NRG4: variants seen among roughly 807,000 people sequenced by gnomAD.
NRG4 encodes the protein neuregulin 4.
A neutral mutation model predicts 15.0 loss-of-function variants in NRG4; 10 were observed. The ratio of observed to expected loss-of-function variants is 0.67; its 90% CI spans 0.41 to 1.13. NRG4 has a LOEUF of 1.13. NRG4 is among the 50% of genes most tolerant of loss of function. NRG4 has a pLI of 0.00. For synonymous variants in NRG4, 41 were observed against 50.1 expected (o/e 0.82, Z 0.77); for missense variants, 139 against 140.2 (o/e 0.99, Z 0.04).
chr15:76,020,981 C>T (rs1340678561), intron 5 of NRG4, among the ~76,000 whole-genome samples: 3 of 152,218 alleles, frequency 2.0e-5, no homozygotes, highest in Non-Finnish European at 2.9e-5. Flanking sequence ...CACTGTAGAA[C>T]AACCTTCTAG....
intron 4 of NRG4, among the ~76,000 whole-genome samples, chr15:76,039,705 G>A (rs564869089): frequency 6.6e-6 from 1 of 152,282 alleles, no homozygotes; most frequent in South Asian, 2.1e-4. Context: ...GGGATAATAA[G>A]AGAGAAATTC....
chr15:75,967,199 A>G (rs899791737), intron 3 of NRG4, among the ~76,000 whole-genome samples: 10 of 150,882 alleles, frequency 6.6e-5, no homozygotes, highest in African/African-American at 2.4e-4. Context: ...CTAGATTTTT[A>G]TAGGCCGAGA....
intron 5 of NRG4, among the ~76,000 whole-genome samples, chr15:76,022,228 A>G (rs557428020): frequency 6.6e-6 from 1 of 152,320 alleles, no homozygotes; most frequent in East Asian, 1.9e-4. Flanking sequence ...ACGTATCAAT[A>G]AACGTGTACT....
At chr15:76,042,991 G>C (rs2035782400) in intron 4 of NRG4, among the ~76,000 whole-genome samples, 1 of 152,126 alleles carries the variant, frequency 6.6e-6, no homozygotes, top group Non-Finnish European at 1.5e-5. Context: ...TGGATGCAAG[G>C]ATGGTTCAAC....
chr15:75,998,045 G>A (rs2034277414), intron 3 of NRG4, among the ~76,000 whole-genome samples: 1 of 152,128 alleles, frequency 6.6e-6, no homozygotes, highest in African/African-American at 2.4e-5. Context: ...AGATCACTCT[G>A]CTTTATCAAA....
chr15:75,942,862 A>G lies in NRG4; in HGVS notation c.*776T>C, dbSNP rs181295748. 1.8e-4 allele frequency: 27 copies of G among 152,264 alleles called. No homozygotes were observed. Among genetic ancestry groups the G allele is most frequent in the Admixed American group, 1.8e-3 (27 of 15,304 alleles). 9.4% of individuals were successfully genotyped at this position (152,264 alleles called of 1,614,324 possible). ...AGGTAGAAAAAACTGGAGAAACTAA[A>G]TTGTTCTGACCTAATCAGTTCTTAA... On this transcript the variant is annotated 3_prime_UTR_variant, in exon 6 of 6. Coordinates refer to ENST00000394907, the MANE Select transcript of NRG4 (RefSeq NM_138573.4).
chr15:75,946,224 C>T (rs952598801), intron 5 of NRG4, among the ~76,000 whole-genome samples: 4 of 152,256 alleles, frequency 2.6e-5, no homozygotes, highest in South Asian at 2.1e-4. Context: ...TGGAACTTTC[C>T]GTTTATATTT....
chr15:75,983,694 T>C (rs1044587638), intron 3 of NRG4, among the ~76,000 whole-genome samples: 9 of 152,108 alleles, frequency 5.9e-5, no homozygotes, highest in African/African-American at 2.2e-4. Context: ...CTAGCTTTCT[T>C]ATATACAGAC....
At chr15:76,028,290 T>TA (rs1050104005) in intron 5 of NRG4, among the ~76,000 whole-genome samples, 3 of 150,390 alleles carry the variant, frequency 2.0e-5, no homozygotes, top group African/African-American at 7.3e-5. Flanking sequence ...AAACCCAAAT[T>TA]AAAAAAAATC....
At chr15:76,027,964 A>G (rs1436655096) in intron 5 of NRG4, among the ~76,000 whole-genome samples, 1 of 152,194 alleles carries the variant, frequency 6.6e-6, no homozygotes, top group Non-Finnish European at 1.5e-5. Flanking sequence ...AGAAAGTCCC[A>G]TGAGACAAAT....
At chr15:76,042,560 G>T (rs2035770706) in intron 4 of NRG4, among the ~76,000 whole-genome samples, 1 of 151,296 alleles carries the variant, frequency 6.6e-6, no homozygotes, top group African/African-American at 2.4e-5. Flanking sequence ...AAGCCAAGAA[G>T]AAATGGATAA....
At chr15:75,974,175 C>T (rs2033249774) in intron 3 of NRG4, among the ~76,000 whole-genome samples, 1 of 152,170 alleles carries the variant, frequency 6.6e-6, no homozygotes, top group African/African-American at 2.4e-5. Flanking sequence ...ATAGTATTCT[C>T]TGATGTTAGT....
upstream of NRG4, chr15:76,059,978 C>T (rs1567135078): frequency 3.3e-5 from 5 of 150,488 alleles, no homozygotes; most frequent in African/African-American, 7.3e-5. Context: ...GCGGCCGGCG[C>T]CGCTGCAGAG....
rs747439810 is a variant in NRG4, at chr15:76,025,221, C to T, written c.-57+10723G>A. 3.8e-4 allele frequency among the ~76,000 whole-genome samples: 57 copies of T among 151,858 alleles called. 1 individual carries two copies. Among genetic ancestry groups the T allele is most frequent in the Admixed American group, 1.4e-3 (21 of 15,250 alleles). ...TTGGGAGGCTGAGGCAGGTGGATCG[C>T]GAGGTCAGGAGATCGAGACCATCCT... On this transcript the variant is annotated intron_variant, in intron 5 of 8. Coordinates refer to the NRG4 transcript ENST00000563910.
rs537542623 is a variant in NRG4 at position 75,953,048 on chromosome 15, C to A, written c.331+2884G>T. Among the ~76,000 whole-genome samples, 3 of 151,822 alleles carry A rather than the reference C, an allele frequency of 2.0e-5. No individual in the cohort carries two copies. The South Asian group carries it at 6.2e-4, about 32-fold the overall frequency. ...GATGAATCCAGTTTTTGTATTTTTT[C>A]TTTTGTTGCTTGTACTTTTAGAATC... On this transcript the variant is annotated intron_variant, in intron 5 of 5. Transcript: ENST00000394907.
chr15:76,058,198 C>T (rs942313127), intron 1 of NRG4, among the ~76,000 whole-genome samples: 1 of 152,150 alleles, frequency 6.6e-6, no homozygotes, highest in African/African-American at 2.4e-5. Context: ...ACTATAGCTC[C>T]CCTCCCGTGC....
intron 3 of NRG4, among the ~76,000 whole-genome samples, chr15:75,966,481 T>G (rs1442770477): frequency 6.6e-6 from 1 of 152,144 alleles, no homozygotes; most frequent in Non-Finnish European, 1.5e-5. Context: ...ACTATACAAG[T>G]GTGTTTACAA....
chr15:76,017,733 C>G (rs2035027451), intron 5 of NRG4, among the ~76,000 whole-genome samples: 1 of 152,090 alleles, frequency 6.6e-6, no homozygotes, highest in Admixed American at 6.5e-5. Flanking sequence ...TTGTTGGTAA[C>G]CTGACTTTTC....
intron 4 of NRG4, among the ~76,000 whole-genome samples, chr15:76,050,890 C>T (rs1596064927): frequency 6.7e-6 from 1 of 149,976 alleles, no homozygotes; most frequent in African/African-American, 2.5e-5. Flanking sequence ...ACTGCAGCCT[C>T]GAACTCCTGG....
Sources: allele counts gnomAD v4.1 joint callset (sites outside exome capture counted in the v4.1 genomes callset), GRCh38; gene constraint gnomAD v4.1.1; transcripts MANE v1.5; gene names NCBI Gene and HGNC (gene_info 2026-07-23, HGNC 2026-07-21).